The following C10orf67 variants were observed in gnomAD, a reference collection of about 807,000 sequenced individuals.
C10orf67 encodes the protein uncharacterized protein C10orf67, mitochondrial.
C10orf67 carries 60 observed loss-of-function variants against 35.6 expected under a neutral mutation model. The ratio of observed to expected loss-of-function variants is 1.68; its 90% CI spans 1.37 to 2.09. The LOEUF (loss-of-function observed/expected upper bound fraction) is 2.09, where lower values mean the gene tolerates loss of function less well. C10orf67 is among the 30% of genes most tolerant of loss of function. The pLI is 0.00. For synonymous variants in C10orf67, 167 were observed against 115.8 expected, an observed-to-expected ratio of 1.44 and a Z score of -2.84; for missense variants, 474 against 330.2, an observed-to-expected ratio of 1.44 and a Z score of -3.38.
At chr10:23,239,663 G>C (rs374681331) in intron 13 of C10orf67, 66 bp downstream of exon 13, 19 of 598,756 alleles carry the variant, frequency 3.2e-5, no homozygotes, top group African/African-American at 1.6e-4. Flanking sequence ...CCTTAAACGA[G>C]AACAGAAAGA....
At chr10:23,287,139 TG>T (rs1179229108) in intron 7 of C10orf67, among the ~76,000 whole-genome samples, 5 of 152,184 alleles carry the variant, frequency 3.3e-5, no homozygotes, top group Non-Finnish European at 7.4e-5. Context: ...AAATTTCATA[TG>T]GAATCAAAGA....
intron 1 of C10orf67, among the ~76,000 whole-genome samples, chr10:23,334,086 A>G (rs970155598): frequency 6.6e-6 from 1 of 152,252 alleles, no homozygotes; most frequent in African/African-American, 2.4e-5. Context: ...TCTGGCAACT[A>G]TCAATAGATA....
intron 5 of C10orf67, among the ~76,000 whole-genome samples, chr10:23,299,833 C>A (rs1844011113): frequency 6.6e-6 from 1 of 152,010 alleles, no homozygotes; most frequent in South Asian, 2.1e-4. Context: ...AAAAAATTAG[C>A]CGGGTGTGGT....
At chr10:23,287,862 G>A (rs372423212) in intron 7 of C10orf67, among the ~76,000 whole-genome samples, 6 of 152,048 alleles carry the variant, frequency 3.9e-5, no homozygotes, top group African/African-American at 1.2e-4. Flanking sequence ...CAACAAACGT[G>A]AAAAAAAGCT....
chr10:23,307,363 T>C (rs1286775790), intron 4 of C10orf67, among the ~76,000 whole-genome samples: 2 of 152,156 alleles, frequency 1.3e-5, no homozygotes, highest in East Asian at 3.9e-4. Context: ...TCTGCTAATA[T>C]ACTTAATGTT....
chr10:23,243,019 GA>G (rs1319479820), intron 12 of C10orf67, among the ~76,000 whole-genome samples: 2 of 151,936 alleles, frequency 1.3e-5, no homozygotes. Context: ...AAGATAGGCT[GA>G]AAGAAAAAAG....
intron 1 of C10orf67, chr10:23,344,100 G>C (rs985174247): frequency 2.0e-5 from 4 of 200,996 alleles, no homozygotes; most frequent in African/African-American, 1.1e-4. Flanking sequence ...GGTAACCGGC[G>C]AAGCGCGGGA....
Position 23,266,389 on chromosome 10 carries a change from G to A in C10orf67, c.1073C>T (p.Ser358Phe). The A allele has an allele frequency of 2.5e-6, 1 of 398,588 alleles. No individual in the cohort carries two copies. Among genetic ancestry groups the A allele is most frequent in the Non-Finnish European group, 4.4e-6 (1 of 226,060 alleles). 24.7% of individuals were successfully genotyped at this position (398,588 alleles called of 1,614,324 possible). A position where few individuals can be genotyped will look rare whatever the true frequency, so the allele number is the denominator to read the frequency against. ...GCTGGGTGGAGACTTGGGCCATGGG[G>A]ACAAAGAGGCTTCTCTCCCCTTGGC... ...RSAKGREASL[S>F]PWPKSPPSTT... Residue 358 changes from serine (S) to phenylalanine (F), a missense_variant, in exon 10 of 16, where the codon TCC (serine) becomes TTC (phenylalanine). Coordinates refer to ENST00000636213, the MANE Select transcript of C10orf67 (RefSeq NM_001371909.1).
chr10:23,242,788 A>G (rs1842217261), intron 12 of C10orf67, among the ~76,000 whole-genome samples: 3 of 152,168 alleles, frequency 2.0e-5, no homozygotes, highest in Admixed American at 2.0e-4. Flanking sequence ...ATGGAATAAA[A>G]AAGGTTCATT....
chr10:23,221,016 G>A (rs977916557), intron 15 of C10orf67, among the ~76,000 whole-genome samples: 3 of 152,056 alleles, frequency 2.0e-5, no homozygotes, highest in East Asian at 3.8e-4. Context: ...TACCAAATAG[G>A]TTATAGTAAC....
chr10:23,333,361 T>C (rs763210188), intron 1 of C10orf67, among the ~76,000 whole-genome samples, 179 bp from the exon 2 acceptor site: 16 of 152,242 alleles, frequency 1.1e-4, no homozygotes, highest in Non-Finnish European at 1.9e-4. Flanking sequence ...AATGAGATTA[T>C]CAAATTCCCT....
chr10:23,244,550 A>C (rs887999611), intron 12 of C10orf67, among the ~76,000 whole-genome samples: 1 of 152,204 alleles, frequency 6.6e-6, no homozygotes, highest in East Asian at 1.9e-4. Context: ...TTGTGTTTGT[A>C]TATACCAATA....
intron 1 of C10orf67, among the ~76,000 whole-genome samples, chr10:23,341,758 TTC>T (rs1845895311): frequency 6.6e-6 from 1 of 152,160 alleles, no homozygotes; most frequent in South Asian, 2.1e-4. Context: ...CTACCCAGTG[TTC>T]TCTCTGCCTG....
intron 10 of C10orf67, among the ~76,000 whole-genome samples, chr10:23,253,811 A>G (rs1429469748): frequency 6.6e-6 from 1 of 152,212 alleles, no homozygotes; most frequent in Admixed American, 6.5e-5. Flanking sequence ...GCAAATAATT[A>G]TTCAATCTCT....
intron 2 of C10orf67, among the ~76,000 whole-genome samples, chr10:23,322,741 T>A (rs562911503): frequency 6.6e-6 from 1 of 152,228 alleles, no homozygotes; most frequent in South Asian, 2.1e-4. Flanking sequence ...GTAGCATTAG[T>A]ATCTGGGTGA....
intron 4 of C10orf67, among the ~76,000 whole-genome samples, chr10:23,307,304 A>T (rs1322374164): frequency 1.3e-5 from 2 of 152,236 alleles, no homozygotes; most frequent in African/African-American, 4.8e-5. Flanking sequence ...TGTTACTAAT[A>T]TATTTGGGTA....
At chr10:23,299,064 A>C (rs1174792107) in intron 5 of C10orf67, among the ~76,000 whole-genome samples, 1 of 152,214 alleles carries the variant, frequency 6.6e-6, no homozygotes, top group Non-Finnish European at 1.5e-5. Context: ...GGTATCCTTA[A>C]GGTCCAGGAC....
At position 23,205,019 on chromosome 10, in the gene C10orf67, G is replaced by A. The variant is rs530996379; in HGVS notation, c.1571-764C>T. Among the ~76,000 whole-genome samples the A allele has an allele frequency of 4.0e-4, 61 of 152,312 alleles. No homozygotes were observed. The South Asian group carries it at 0.01, about 25-fold the overall frequency. ...GGTGTCAATGTGGACACTTATAGCC[G>A]GGGCAGTGGGAGAGGGGAACACAGA... On this transcript the variant is annotated intron_variant, in intron 15 of 15. Coordinates refer to ENST00000636213, the MANE Select transcript of C10orf67 (RefSeq NM_001371909.1).
intron 7 of C10orf67, among the ~76,000 whole-genome samples, chr10:23,288,579 C>G (rs187957859): frequency 9.9e-5 from 15 of 152,082 alleles, no homozygotes; most frequent in Admixed American, 8.5e-4. Flanking sequence ...GCACATGTAT[C>G]CCATTTTTTT....
Sources: allele counts gnomAD v4.1 joint callset (sites outside exome capture counted in the v4.1 genomes callset), GRCh38; gene constraint gnomAD v4.1.1; transcripts MANE v1.5; gene names NCBI Gene and HGNC (gene_info 2026-07-23, HGNC 2026-07-21).